ANLN: variants seen among roughly 807,000 people sequenced by gnomAD.
The protein encoded by ANLN is anillin.
In ANLN, 59 loss-of-function variants were observed where a neutral mutation model predicts 135.1. That is an observed-to-expected ratio of 0.44 (90% CI 0.35 to 0.54). The LOEUF (loss-of-function observed/expected upper bound fraction) is 0.54. Ranked by LOEUF, ANLN falls within the 20% of genes least tolerant of loss-of-function variation. ANLN has a pLI of 0.00. For missense variants in ANLN, 1,182 were observed against 1,340.0 expected (o/e 0.88, Z 1.84); for synonymous variants, 406 against 456.4 (o/e 0.89, Z 1.41).
chr7:36,447,021 AC>A (rs1249109826), intron 22 of ANLN, among the ~76,000 whole-genome samples: 1 of 152,148 alleles, frequency 6.6e-6, no homozygotes. Flanking sequence ...AATGCATGAA[AC>A]CATAGATAAG....
intron 20 of ANLN, among the ~76,000 whole-genome samples, chr7:36,435,287 ATC>A (rs1788481483): frequency 6.6e-6 from 1 of 151,766 alleles, no homozygotes; most frequent in South Asian, 2.1e-4. Flanking sequence ...CATTCTTCTC[ATC>A]TCTGTTTTCA....
chr7:36,423,141 A>G (rs1355116274), intron 14 of ANLN, among the ~76,000 whole-genome samples: 1 of 152,198 alleles, frequency 6.6e-6, no homozygotes, highest in African/African-American at 2.4e-5. Flanking sequence ...GAAATAAAGG[A>G]ATACTGAACT....
At chr7:36,438,080 C>T (rs772972295) in intron 20 of ANLN, among the ~76,000 whole-genome samples, 11 of 152,260 alleles carry the variant, frequency 7.2e-5, no homozygotes, top group South Asian at 2.1e-4. Context: ...TGAGCCACCG[C>T]GCCCAGCCTT....
At position 36,453,651 on chromosome 7, in the gene ANLN, A is replaced by G. The variant is rs937631575; in HGVS notation, c.*1051A>G. On this transcript the variant is annotated 3_prime_UTR_variant, in exon 24 of 24. Transcript: ENST00000265748. ...CTCTGAATTATTAAAGTTCTTTATGACCTCATTTATAAACACTAAATTCTG... is the reference window on the plus strand; with the variant it reads ...CTCTGAATTATTAAAGTTCTTTATGGCCTCATTTATAAACACTAAATTCTG... 7 of 152,680 alleles carry G rather than the reference A, an allele frequency of 4.6e-5. No homozygotes were observed. The East Asian group carries it at 1.3e-3, about 29-fold the overall frequency. 9.5% of individuals were successfully genotyped at this position (152,680 alleles called of 1,614,324 possible).
In ANLN at chr7:36,449,659, T is replaced by C; in HGVS notation, c.3079-6T>C. 3.7e-6 allele frequency: 6 copies of C among 1,602,932 alleles called. No homozygotes were observed. The highest frequency in any genetic ancestry group is 5.1e-6 in the Non-Finnish European group (6 of 1,174,592). The stretch of plus-strand genomic sequence containing the variant: ...TCTACTAATTTCTCTTAATTTGTTT[T>C]TAAAGAATCCCATAGGAAGGATAAA... On this transcript the variant is annotated splice_region_variant and splice_polypyrimidine_tract_variant and intron_variant, in intron 22 of 23. Coordinates refer to ENST00000265748, the MANE Select transcript of ANLN (RefSeq NM_018685.5).
chr7:36,431,633 T>TATATATATATATATA (rs1788334910), intron 20 of ANLN, among the ~76,000 whole-genome samples: 1 of 136,554 alleles, frequency 7.3e-6, no homozygotes, highest in Non-Finnish European at 1.6e-5. Flanking sequence ...TATATATATA[T>TATATATATATATATA]TACCATTTTA....
intron 22 of ANLN, among the ~76,000 whole-genome samples, chr7:36,446,332 A>G (rs558781186): frequency 1.5e-3 from 226 of 152,116 alleles, no homozygotes; most frequent in African/African-American, 5.2e-3. Context: ...TGAATAACCA[A>G]TTGGGCCAGC....
At chr7:36,451,968 A>G (rs565706405) in intron 23 of ANLN, among the ~76,000 whole-genome samples, 1 of 152,366 alleles carries the variant, frequency 6.6e-6, no homozygotes, top group Admixed American at 6.5e-5. Context: ...TTTTAAAATC[A>G]TGTTCTACTA....
At chr7:36,410,462 G>A (rs1004552115) in intron 5 of ANLN, 52 bp from the exon 6 acceptor site, 145 of 1,457,852 alleles carry the variant, frequency 9.9e-5, no homozygotes, top group Admixed American at 1.1e-4. Flanking sequence ...CATAGAAATC[G>A]TAATAATTTT....
chr7:36,392,923 A>G (rs1786539388), intron 1 of ANLN, among the ~76,000 whole-genome samples: 1 of 152,212 alleles, frequency 6.6e-6, no homozygotes, highest in Admixed American at 6.5e-5. Flanking sequence ...ATGTCCACGA[A>G]TGAATATAAT....
At position 36,419,336 on chromosome 7, in the gene ANLN, G is replaced by A; in HGVS notation, c.1726G>A (p.Gly576Ser). The change falls in exon 10 of 24, where the codon GGT (glycine) becomes AGT (serine). Residue 576 changes from glycine (G) to serine (S), a missense_variant. This residue lies in a region of ANLN where 1,022 missense variants were observed against 1,134.0 expected (regional missense o/e 0.90). Coordinates refer to ENST00000265748, the MANE Select transcript of ANLN (RefSeq NM_018685.5). ...NDLFSDVLEE[G>S]ELDMEKSQEE... ...CCTCTTCAGTGATGTCCTAGAGGAA[G>A]GTGAACTAGATATGGAGAAGAGCCA... The A allele has an allele frequency of 6.2e-7, 1 of 1,614,126 alleles. No individual in the cohort carries two copies.
intron 7 of ANLN, 72 bp downstream of exon 7, chr7:36,411,238 T>C: frequency 8.4e-7 from 1 of 1,196,046 alleles, no homozygotes; most frequent in South Asian, 1.6e-5. Flanking sequence ...AGTTCTGTAT[T>C]GGCAAATAAT....
intron 20 of ANLN, among the ~76,000 whole-genome samples, chr7:36,436,090 G>T (rs1788540296): frequency 6.6e-6 from 1 of 151,964 alleles, no homozygotes; most frequent in African/African-American, 2.4e-5. Context: ...AAAGTAAAAA[G>T]TCTTACTCAT....
intron 7 of ANLN, among the ~76,000 whole-genome samples, chr7:36,412,333 T>C (rs1295851624): frequency 8.4e-5 from 10 of 119,262 alleles, no homozygotes; most frequent in African/African-American, 3.1e-4. Flanking sequence ...ATATATTTTT[T>C]TTTTTTTTTT....
intron 22 of ANLN, among the ~76,000 whole-genome samples, chr7:36,445,587 C>A (rs751238495): frequency 1.3e-5 from 2 of 152,106 alleles, no homozygotes; most frequent in Admixed American, 6.5e-5. Flanking sequence ...TGTTTAGAGA[C>A]CCTTAGATTA....
chr7:36,437,606 C>A (rs1466259094), intron 20 of ANLN, among the ~76,000 whole-genome samples: 2 of 151,446 alleles, frequency 1.3e-5, no homozygotes, highest in Non-Finnish European at 2.9e-5. Flanking sequence ...TTTTGTGGAA[C>A]CTCTGTAGTA....
chr7:36,405,816 A>G (rs1435766438), intron 3 of ANLN, among the ~76,000 whole-genome samples: 1 of 152,226 alleles, frequency 6.6e-6, no homozygotes, highest in African/African-American at 2.4e-5. Flanking sequence ...ATTCTGTTGT[A>G]CAGCAATGGT....
At chr7:36,428,930 A>C (rs7795431) in intron 20 of ANLN, among the ~76,000 whole-genome samples, 76,045 of 151,272 alleles carry the variant, frequency 0.5, 19,419 homozygotes, top group East Asian at 0.64. Flanking sequence ...AGGTGCATGC[A>C]ACCACATCTG....
chr7:36,442,601 ATGT>A (rs1481657471), intron 21 of ANLN, among the ~76,000 whole-genome samples: 1 of 151,854 alleles, frequency 6.6e-6, no homozygotes, highest in African/African-American at 2.4e-5. Context: ...TCCCAGATGA[ATGT>A]TGTTTTTTTT....
Sources: allele counts gnomAD v4.1 joint callset (sites outside exome capture counted in the v4.1 genomes callset), GRCh38; gene constraint gnomAD v4.1.1; regional missense constraint gnomAD v4.1.1; transcripts MANE v1.5; gene names NCBI Gene and HGNC (gene_info 2026-07-23, HGNC 2026-07-21).